The following DAGLB variants were observed in gnomAD, a reference collection of about 807,000 sequenced individuals.
The protein encoded by DAGLB is diacylglycerol lipase beta.
In DAGLB, 66 loss-of-function variants were observed where a neutral mutation model predicts 72.1. That is an observed-to-expected ratio of 0.92 (90% CI 0.75 to 1.12). The LOEUF (loss-of-function observed/expected upper bound fraction) is 1.12. Ranked by LOEUF, DAGLB falls within the 50% of genes most tolerant of loss-of-function variation. DAGLB has a pLI of 0.00. For synonymous variants in DAGLB, 414 were observed against 359.5 expected, an observed-to-expected ratio of 1.15 and a Z score of -1.71; for missense variants, 1,065 against 884.9, an observed-to-expected ratio of 1.20 and a Z score of -2.58.
chr7:6,423,790 TGTTGGACAGGATG>T (rs1240702195), intron 8 of DAGLB, among the ~76,000 whole-genome samples: 2 of 152,160 alleles, frequency 1.3e-5, no homozygotes, highest in East Asian at 3.8e-4. Context: ...GGTTTCACCA[TGTTGGACAGGATG>T]GTGTCGATCT....
At chr7:6,420,042 G>A (rs113394715) in intron 9 of DAGLB, among the ~76,000 whole-genome samples, 122 of 152,220 alleles carry the variant, frequency 8.0e-4, no homozygotes, top group Non-Finnish European at 1.6e-3. Flanking sequence ...AGCTACTTGG[G>A]AGGCTGAGGT....
rs531002411 is a variant in DAGLB at position 6,410,269 on chromosome 7, C to T, written c.1681G>A (p.Gly561Arg). 3 of 1,613,686 alleles carry T rather than the reference C, an allele frequency of 1.9e-6. No homozygotes were observed. The highest frequency in any genetic ancestry group is 1.3e-5 in the African/African-American group (1 of 75,018). The change falls in exon 14 of 15, where the codon GGG (glycine) becomes AGG (arginine). Residue 561 changes from glycine to arginine, a missense_variant. Physicochemically the swap from Gly to Arg is moderately radical, Grantham distance 125. Coordinates refer to ENST00000297056, the MANE Select transcript of DAGLB (RefSeq NM_139179.4). The part of the protein sequence containing the change: ...DQEVLTQPLL[G>R]EQSLLTRWSP... ...CAGCGCGTCAGTAGGCTCTGCTCCC[C>T]CAGAAGAGGCTGTGTCAGGACTTCC...
In DAGLB at chr7:6,446,708, G is replaced by A. The variant is rs1785015903; in HGVS notation, c.96-604C>T. On this transcript the variant is annotated intron_variant, in intron 1 of 14. Coordinates refer to ENST00000297056, the MANE Select transcript of DAGLB (RefSeq NM_139179.4). ...ACTGCACCTGGCCTGGAATATAATTGCCAACAATAAAAGATCTAGGCCCGG... is the reference window on the plus strand; with the variant it reads ...ACTGCACCTGGCCTGGAATATAATTACCAACAATAAAAGATCTAGGCCCGG... 2.0e-5 allele frequency among the ~76,000 whole-genome samples: 3 copies of A among 148,502 alleles called. No individual in the cohort carries two copies. The South Asian group carries it at 7.1e-4, about 35-fold the overall frequency.
chr7:6,430,966 G>C (rs539653138), intron 5 of DAGLB, among the ~76,000 whole-genome samples: 1 of 152,128 alleles, frequency 6.6e-6, no homozygotes, highest in Admixed American at 6.6e-5. Flanking sequence ...AGTAGAGACG[G>C]GGTTTCACCA....
At chr7:6,445,542 A>C (rs1295759274) in intron 2 of DAGLB, among the ~76,000 whole-genome samples, 1 of 151,966 alleles carries the variant, frequency 6.6e-6, no homozygotes, top group Non-Finnish European at 1.5e-5. Flanking sequence ...CAGAGTCTCC[A>C]CTCTGTCACT....
rs201215964 is a variant in DAGLB at position 6,432,802 on chromosome 7, T to G, written c.801+35A>C. 2.1e-5 allele frequency: 33 copies of G among 1,601,886 alleles called. No individual in the cohort carries two copies. The African/African-American group carries it at 4.4e-4, about 22-fold the overall frequency. The stretch of plus-strand genomic sequence containing the variant: ...CTGAAGACCCACCAAAAGGTGTAAG[T>G]GTCAGAACTGGACACTCCATGAAGC... On this transcript the variant is annotated intron_variant, in intron 5 of 14. Coordinates refer to ENST00000297056, the MANE Select transcript of DAGLB (RefSeq NM_139179.4).
chr7:6,418,356 G>C (rs529032410), intron 9 of DAGLB, among the ~76,000 whole-genome samples: 8 of 151,834 alleles, frequency 5.3e-5, no homozygotes, highest in African/African-American at 1.9e-4. Context: ...GTGGCACAGT[G>C]AGACTCTTTC....
At chr7:6,442,045 G>T (rs1363147974) in intron 2 of DAGLB, among the ~76,000 whole-genome samples, 1 of 152,054 alleles carries the variant, frequency 6.6e-6, no homozygotes. Context: ...GACGATAAAT[G>T]GCTTTTGGAT....
rs897913842 is a variant in DAGLB at position 6,421,316 on chromosome 7, G to T, written c.1218+411C>A. Among the ~76,000 whole-genome samples, 2 of 136,406 alleles carry T rather than the reference G, an allele frequency of 1.5e-5. 1 individual carries two copies. Among genetic ancestry groups the T allele is most frequent in the African/African-American group, 5.8e-5 (2 of 34,578 alleles). 89.5% of individuals were successfully genotyped at this position (136,406 alleles called of 152,430 possible). On this transcript the variant is annotated intron_variant, in intron 9 of 14. Coordinates refer to ENST00000297056, the MANE Select transcript of DAGLB (RefSeq NM_139179.4). The stretch of plus-strand genomic sequence containing the variant: ...AGGGCTGCTGTGAGAATCAGGCAGC[G>T]CGGGAGGCGCAGGCAGCGCGGGAGG...
intron 2 of DAGLB, among the ~76,000 whole-genome samples, chr7:6,437,190 ATAG>A (rs201454003): frequency 0.012 from 1,765 of 147,116 alleles, 42 homozygotes; most frequent in African/African-American, 0.043. Context: ...AATAATAATA[ATAG>A]TAATAATTAT....
Position 6,430,250 on chromosome 7 carries a change from C to CATATATATATAT in DAGLB, c.929+218_929+229dup, listed in dbSNP as rs57374634. Among the ~76,000 whole-genome samples, 358 of 45,718 alleles carry CATATATATATAT rather than the reference C, an allele frequency of 7.8e-3. 9 individuals carry two copies. The highest frequency in any genetic ancestry group is 0.02 in the African/African-American group (194 of 9,628). The allele number at this position is 45,718 out of a possible 152,430, so 30.0% of individuals were successfully genotyped here. A position where few individuals can be genotyped will look rare whatever the true frequency, so the allele number is the denominator to read the frequency against. On this transcript the variant is annotated intron_variant, in intron 6 of 14. Coordinates refer to ENST00000297056, the MANE Select transcript of DAGLB (RefSeq NM_139179.4). ...GGTTCGGGGAAAAAAAATACATGTG[C>CATATATATATAT]ATATATATATATATATATATATATA...
In DAGLB at chr7:6,421,800, A is replaced by G. The variant is rs1433645596; in HGVS notation, c.1145T>C (p.Val382Ala). ...ACTCTCCGCTGACAGGTCCGTAAGG[A>G]CATCCTGTAAAAAGGGCGTTGCAGA... Reference protein sequence around the residue: ...AVRGTMSLQDVLTDLSAESEV... With the variant: ...AVRGTMSLQDALTDLSAESEV... The change falls in exon 9 of 15, where the codon GTC becomes GCC. Residue 382 changes from valine (V) to alanine (A), a missense_variant. Physicochemically the swap from Val to Ala is moderately conservative, Grantham distance 64. Transcript: ENST00000297056. 1.2e-6 allele frequency: 2 copies of G among 1,612,716 alleles called. No individual in the cohort carries two copies. Among genetic ancestry groups the G allele is most frequent in the Non-Finnish European group, 1.7e-6 (2 of 1,179,480 alleles).
Position 6,432,836 on chromosome 7 carries a change from C to A in DAGLB, c.801+1G>T. 6.2e-7 allele frequency: 1 copy of A among 1,613,360 alleles called. No homozygotes were observed. Among genetic ancestry groups the A allele is most frequent in the Non-Finnish European group, 8.5e-7 (1 of 1,179,832 alleles). On this transcript the variant is annotated splice_donor_variant, in intron 5 of 14. Coordinates refer to ENST00000297056, the MANE Select transcript of DAGLB (RefSeq NM_139179.4). LOFTEE classifies it high-confidence loss of function. ...TGGACACTCCATGAAGCCAGGCTCA[C>A]CTGGGAGCTCCCTGGGGCATGGCAG...
At position 6,418,482 on chromosome 7, in the gene DAGLB, T is replaced by C. The variant is rs1041426555; in HGVS notation, c.1219-1561A>G. Among the ~76,000 whole-genome samples the C allele has an allele frequency of 5.3e-5, 8 of 152,094 alleles. No homozygotes were observed. The East Asian group carries it at 1.3e-3, about 26-fold the overall frequency. On this transcript the variant is annotated intron_variant, in intron 9 of 14. Transcript: ENST00000297056. ...AAGAAAAGCAGTGCCAGGGAAGAAA[T>C]GACCCTGTCAATCAAAAATATCTTC...
rs1783656558 is a variant in DAGLB, at chr7:6,409,831, C to CCCTG, written c.*2_*5dup. 2 of 1,612,748 alleles carry CCCTG rather than the reference C, an allele frequency of 1.2e-6. No homozygotes were observed. The highest frequency in any genetic ancestry group is 2.7e-5 in the African/African-American group (2 of 74,906). On this transcript the variant is annotated 3_prime_UTR_variant, in exon 15 of 15. Coordinates refer to ENST00000297056, the MANE Select transcript of DAGLB (RefSeq NM_139179.4). The stretch of plus-strand genomic sequence containing the variant: ...TCGTTCCTGGGACAGTTTCCAGTGG[C>CCCTG]CCTGGTCAGGCCACGTCCACACTGG...
At chr7:6,430,335 G>T in intron 6 of DAGLB, 145 bp downstream of exon 6, 3 of 957,084 alleles carry the variant, frequency 3.1e-6, no homozygotes, top group Non-Finnish European at 2.7e-6. Flanking sequence ...CAGCGCATGT[G>T]ACCAGATGAG....
intron 2 of DAGLB, among the ~76,000 whole-genome samples, chr7:6,442,096 C>T (rs1224957949): frequency 2.0e-5 from 3 of 152,128 alleles, no homozygotes; most frequent in Non-Finnish European, 2.9e-5. Flanking sequence ...CAGAACCTTC[C>T]ACCAAACTCT....
rs991605147 is a variant in DAGLB, at chr7:6,413,032, T to C, written c.1430A>G (p.Lys477Arg). Residue 477 changes from lysine (K) to arginine (R), a missense_variant and splice_region_variant, in exon 12 of 15, where the codon AAA becomes AGA. Physicochemically the swap from Lys to Arg is conservative, Grantham distance 26. Transcript: ENST00000297056. ...GCTCTGAGAATATTCCTGCAGAGCT[T>C]TGCTGAAATTCCAAACAGAGAGAGG... ...AFSPPRGLWS[K>R]ALQEYSQSFI... 1.1e-5 allele frequency: 17 copies of C among 1,612,248 alleles called. No individual in the cohort carries two copies. The highest frequency in any genetic ancestry group is 1.4e-5 in the Non-Finnish European group (17 of 1,178,724).
At position 6,424,833 on chromosome 7, in the gene DAGLB, A is replaced by C. The variant is rs748330326; in HGVS notation, c.1059T>G (p.Val353=). The change falls in exon 8 of 15, where the codon GTT becomes GTG. Residue 353 remains valine (V), a splice_region_variant and synonymous_variant. Coordinates refer to ENST00000297056, the MANE Select transcript of DAGLB (RefSeq NM_139179.4). The part of the protein sequence containing the change: ...DFIHVSFHDK[V]YELPFLVALD... ...GAGCCACTAAAAACGGCAGCTCGTA[A>C]ACCTGCAGGAGCAAGAAACAAGCAT... The C allele has an allele frequency of 6.2e-7, 1 of 1,613,668 alleles. No individual in the cohort carries two copies. Among genetic ancestry groups the C allele is most frequent in the South Asian group, 1.1e-5 (1 of 91,078 alleles).
Sources: gnomAD v4.1 joint callset for allele counts (sites outside exome capture counted in the v4.1 genomes callset) on GRCh38, gnomAD v4.1.1 for gene constraint, MANE v1.5 for transcripts, NCBI Gene and HGNC (gene_info 2026-07-23, HGNC 2026-07-21) for gene names.